The following KAZN variants were observed in gnomAD, a reference collection of about 807,000 sequenced individuals.
The protein encoded by KAZN is kazrin.
KAZN carries 40 observed loss-of-function variants against 87.4 expected under a neutral mutation model. That is an observed-to-expected ratio of 0.46 (90% CI 0.36 to 0.60). The LOEUF (loss-of-function observed/expected upper bound fraction) is 0.60. KAZN is among the 20% of genes least tolerant of loss of function. The pLI, the probability that KAZN is intolerant of heterozygous loss-of-function variation, is 0.00. For synonymous variants in KAZN, 466 were observed against 458.3 expected (o/e 1.02, Z -0.22); for missense variants, 898 against 1,073.9 (o/e 0.84, Z 2.29).
intron 5 of KAZN, among the ~76,000 whole-genome samples, chr1:15,058,847 T>C (rs1638530593): frequency 6.6e-6 from 1 of 151,966 alleles, no homozygotes; most frequent in African/African-American, 2.4e-5. Flanking sequence ...AGTGAAATCC[T>C]GTCTCTACTA....
intron 2 of KAZN, among the ~76,000 whole-genome samples, chr1:14,567,107 A>G (rs1288133931): frequency 6.6e-6 from 1 of 152,120 alleles, no homozygotes; most frequent in African/African-American, 2.4e-5. Flanking sequence ...AAGCTTAATC[A>G]TTTCTAGTTT....
At chr1:14,202,148 A>G (rs1261169132) in intron 2 of KAZN, among the ~76,000 whole-genome samples, 2 of 152,196 alleles carry the variant, frequency 1.3e-5, no homozygotes, top group African/African-American at 2.4e-5. Context: ...AATCAACCCA[A>G]GACAACCACA....
chr1:15,079,139 G>A (rs1639887522), intron 8 of KAZN, among the ~76,000 whole-genome samples: 1 of 152,160 alleles, frequency 6.6e-6, no homozygotes. Flanking sequence ...GCTCAGTGGT[G>A]AGTTCCTGTC....
intron 1 of KAZN, among the ~76,000 whole-genome samples, chr1:14,107,037 C>T (rs1231054956): frequency 5.2e-5 from 6 of 115,446 alleles, no homozygotes; most frequent in Admixed American, 2.5e-4. Flanking sequence ...CTCCCTCCCT[C>T]CCTTCCTTTC....
At chr1:15,073,094 A>C (rs1639587209) in intron 8 of KAZN, among the ~76,000 whole-genome samples, 1 of 152,214 alleles carries the variant, frequency 6.6e-6, no homozygotes, top group Non-Finnish European at 1.5e-5. Context: ...ACCCTCAGCC[A>C]GTGGCTCTGC....
intron 2 of KAZN, among the ~76,000 whole-genome samples, chr1:14,236,169 C>T (rs1648403597): frequency 6.6e-6 from 1 of 152,172 alleles, no homozygotes; most frequent in Admixed American, 6.5e-5. Context: ...TGATAATTTT[C>T]CTCTCCCACC....
At chr1:14,189,773 G>A (rs1282829755) in intron 2 of KAZN, among the ~76,000 whole-genome samples, 1 of 152,136 alleles carries the variant, frequency 6.6e-6, no homozygotes, top group Non-Finnish European at 1.5e-5. Context: ...AGTGTGAGAA[G>A]TTATCACCAA....
chr1:13,952,275 G>A (rs1234918747), intron 1 of KAZN, among the ~76,000 whole-genome samples: 1 of 151,646 alleles, frequency 6.6e-6, no homozygotes, highest in Non-Finnish European at 1.5e-5. Context: ...ATGTTGTCAT[G>A]TCATGCTGAA....
chr1:14,179,033 G>A (rs76035336), intron 1 of KAZN, among the ~76,000 whole-genome samples: 4,273 of 152,188 alleles, frequency 0.028, 195 homozygotes, highest in African/African-American at 0.097. Context: ...TTATGGACAC[G>A]TGATCTCTTG....
In KAZN at chr1:14,800,764, G is replaced by C. The variant is rs2100735304; in HGVS notation, c.227-159920G>C. ...GTCCCTTGAAAATGTGATGCTATGT[G>C]AAGCCAGTCACAAAAGACTACACGT... On this transcript the variant is annotated intron_variant, in intron 1 of 14. Transcript: ENST00000376030. Among the ~76,000 whole-genome samples, 2 of 152,264 alleles carry C rather than the reference G, an allele frequency of 1.3e-5. 1 individual carries two copies. The highest frequency in any genetic ancestry group is 4.2e-4 in the South Asian group (2 of 4,818).
intron 2 of KAZN, among the ~76,000 whole-genome samples, chr1:14,280,676 A>G (rs1652783737): frequency 1.3e-5 from 2 of 152,074 alleles, no homozygotes; most frequent in African/African-American, 2.4e-5. Flanking sequence ...TGGGACAATA[A>G]TTTCTCTTGT....
At chr1:14,589,417 A>G (rs1340765776) in intron 2 of KAZN, among the ~76,000 whole-genome samples, 1 of 152,186 alleles carries the variant, frequency 6.6e-6, no homozygotes, top group East Asian at 1.9e-4. Context: ...CAGCATCCTA[A>G]CAAGTCGGCC....
chr1:14,141,719 T>C (rs1366316827), intron 1 of KAZN, among the ~76,000 whole-genome samples: 1 of 147,900 alleles, frequency 6.8e-6, no homozygotes, highest in East Asian at 1.9e-4. Flanking sequence ...TGAGTGAAAA[T>C]AGGTAAAAAA....
chr1:14,388,242 A>AC (rs34953647), intron 2 of KAZN, among the ~76,000 whole-genome samples: 26 of 152,100 alleles, frequency 1.7e-4, no homozygotes, highest in Non-Finnish European at 3.5e-4. Context: ...TGAACCCGGT[A>AC]CCTCAGATGG....
chr1:14,566,237 C>T (rs1386714091), intron 2 of KAZN, among the ~76,000 whole-genome samples: 3 of 152,182 alleles, frequency 2.0e-5, no homozygotes, highest in African/African-American at 7.2e-5. Flanking sequence ...CCTTGTATGT[C>T]CCCATCAAAG....
intron 1 of KAZN, among the ~76,000 whole-genome samples, chr1:13,924,593 A>G (rs61777398): frequency 0.1 from 15,168 of 152,252 alleles, 857 homozygotes; most frequent in Middle Eastern, 0.16. Flanking sequence ...ATAAATGCAT[A>G]TCTGATTGCC....
intron 2 of KAZN, among the ~76,000 whole-genome samples, chr1:14,362,774 G>A (rs943354267): frequency 6.6e-6 from 1 of 152,182 alleles, no homozygotes; most frequent in Non-Finnish European, 1.5e-5. Context: ...CCCACAGCAA[G>A]AAAATAGCAA....
intron 2 of KAZN, among the ~76,000 whole-genome samples, chr1:14,471,570 T>C (rs1050692323): frequency 6.6e-6 from 1 of 152,098 alleles, no homozygotes; most frequent in African/African-American, 2.4e-5. Context: ...GCTGAACTGA[T>C]GTTCCAGAAG....
intron 1 of KAZN, among the ~76,000 whole-genome samples, chr1:13,997,042 T>A (rs1007965888): frequency 1.3e-5 from 2 of 152,140 alleles, no homozygotes; most frequent in Non-Finnish European, 2.9e-5. Flanking sequence ...CCTCAAGTAA[T>A]ATCTCTGGGC....
Sources: allele counts gnomAD v4.1 joint callset (sites outside exome capture counted in the v4.1 genomes callset), GRCh38; gene constraint gnomAD v4.1.1; transcripts MANE v1.5; gene names NCBI Gene and HGNC (gene_info 2026-07-23, HGNC 2026-07-21).